Variants in SPATS2L observed in about 807,000 individuals in gnomAD.
SPATS2L encodes the protein SPATS2-like protein.
SPATS2L carries 30 observed loss-of-function variants against 59.6 expected under a neutral mutation model. The ratio of observed to expected loss-of-function variants is 0.50; its 90% CI spans 0.38 to 0.68. The LOEUF is 0.68. Ranked by LOEUF, SPATS2L falls within the 30% of genes least tolerant of loss-of-function variation. The pLI is 0.00. For synonymous variants in SPATS2L, 252 were observed against 263.5 expected (o/e 0.96, Z 0.42); for missense variants, 615 against 700.0 (o/e 0.88, Z 1.37).
At chr2:200,429,873 G>A (rs571515748) in intron 6 of SPATS2L, among the ~76,000 whole-genome samples, 5 of 152,156 alleles carry the variant, frequency 3.3e-5, no homozygotes, top group Non-Finnish European at 5.9e-5. Context: ...GGCACACAAT[G>A]CTTTCTCCCC....
intron 1 of SPATS2L, among the ~76,000 whole-genome samples, chr2:200,318,691 G>A (rs774048654): frequency 1.3e-5 from 2 of 152,106 alleles, no homozygotes; most frequent in Non-Finnish European, 2.9e-5. Context: ...GGCATATTTA[G>A]ATATTACTTA....
intron 10 of SPATS2L, among the ~76,000 whole-genome samples, chr2:200,468,347 TACACACACACAC>T (rs141831238): frequency 1.8e-5 from 2 of 110,076 alleles, no homozygotes; most frequent in African/African-American, 6.4e-5. Flanking sequence ...CCCAGTATAC[TACACACACACAC>T]ACACACACAC....
chr2:200,369,170 A>G (rs1204614264), intron 2 of SPATS2L, among the ~76,000 whole-genome samples: 1 of 151,158 alleles, frequency 6.6e-6, no homozygotes, highest in Non-Finnish European at 1.5e-5. Flanking sequence ...TTATTTATTT[A>G]TTTTTTGAGA....
chr2:200,321,667 T>C (rs984837123), intron 1 of SPATS2L, among the ~76,000 whole-genome samples: 2 of 152,246 alleles, frequency 1.3e-5, no homozygotes, highest in Admixed American at 6.5e-5. Flanking sequence ...ACAGCTGATA[T>C]CGTTTACATT....
intron 6 of SPATS2L, among the ~76,000 whole-genome samples, chr2:200,425,578 A>T (rs1329368761): frequency 6.6e-6 from 1 of 152,194 alleles, no homozygotes; most frequent in Non-Finnish European, 1.5e-5. Context: ...CGTCCACTTT[A>T]CAATATTGTG....
intron 2 of SPATS2L, among the ~76,000 whole-genome samples, chr2:200,333,504 T>G (rs143779722): frequency 1.6e-4 from 24 of 152,046 alleles, no homozygotes; most frequent in African/African-American, 5.5e-4. Context: ...TTTTATTTTA[T>G]TTTATTTTTT....
intron 6 of SPATS2L, among the ~76,000 whole-genome samples, chr2:200,435,367 A>T (rs1401940225): frequency 2.0e-5 from 3 of 152,192 alleles, no homozygotes; most frequent in Non-Finnish European, 4.4e-5. Flanking sequence ...ACAAGGATTA[A>T]ATTAAAATGT....
intron 1 of SPATS2L, among the ~76,000 whole-genome samples, chr2:200,309,628 C>T (rs2079133302): frequency 6.6e-6 from 1 of 152,218 alleles, no homozygotes; most frequent in Non-Finnish European, 1.5e-5. Context: ...TTATTGATCT[C>T]TGAATGTTGT....
intron 8 of SPATS2L, among the ~76,000 whole-genome samples, chr2:200,444,986 T>C (rs1404382393): frequency 6.6e-6 from 1 of 152,154 alleles, no homozygotes; most frequent in Non-Finnish European, 1.5e-5. Flanking sequence ...ATTTGCATAC[T>C]AACAAATGCT....
At chr2:200,381,385 C>T (rs2081805602) in intron 2 of SPATS2L, among the ~76,000 whole-genome samples, 1 of 152,156 alleles carries the variant, frequency 6.6e-6, no homozygotes, top group Non-Finnish European at 1.5e-5. Flanking sequence ...GAGTTCATTT[C>T]CTCCAACCTG....
intron 5 of SPATS2L, among the ~76,000 whole-genome samples, chr2:200,417,753 A>G (rs976088351): frequency 3.3e-5 from 5 of 152,220 alleles, no homozygotes; most frequent in Non-Finnish European, 7.3e-5. Context: ...TCCAAAGGAA[A>G]AAAGCAGGGA....
intron 6 of SPATS2L, among the ~76,000 whole-genome samples, chr2:200,426,423 A>G (rs2083586785): frequency 6.6e-6 from 1 of 152,220 alleles, no homozygotes; most frequent in Admixed American, 6.5e-5. Context: ...TCATATGAGC[A>G]TGCATTTTTG....
intron 8 of SPATS2L, among the ~76,000 whole-genome samples, chr2:200,450,580 A>C (rs2106150048): frequency 6.6e-6 from 1 of 152,276 alleles, no homozygotes; most frequent in African/African-American, 2.4e-5. Flanking sequence ...AATGTGTGTC[A>C]AGCCACTACT....
At chr2:200,306,054 C>T, upstream of SPATS2L, 4 of 985,398 alleles carry the variant, frequency 4.1e-6, no homozygotes, top group Non-Finnish European at 4.8e-6. Flanking sequence ...GTTTGGAGCC[C>T]AGTGTGCAGA....
At chr2:200,463,469 A>G (rs927813280) in intron 9 of SPATS2L, 1 of 152,210 alleles carries the variant, frequency 6.6e-6, no homozygotes. Flanking sequence ...ATTGCACAAA[A>G]GAGGAAGTAT....
intron 2 of SPATS2L, among the ~76,000 whole-genome samples, chr2:200,379,570 A>G (rs2081728012): frequency 6.6e-6 from 1 of 152,282 alleles, no homozygotes; most frequent in East Asian, 1.9e-4. Flanking sequence ...AAGGGAACAC[A>G]TATTTCTTTT....
chr2:200,409,052 C>A (rs1269893800), intron 3 of SPATS2L, among the ~76,000 whole-genome samples: 1 of 152,248 alleles, frequency 6.6e-6, no homozygotes, highest in Non-Finnish European at 1.5e-5. Context: ...CATGAGAGTC[C>A]TTTAGCGGGG....
At chr2:200,434,405 G>A (rs2084140912) in intron 6 of SPATS2L, among the ~76,000 whole-genome samples, 1 of 151,872 alleles carries the variant, frequency 6.6e-6, no homozygotes, top group South Asian at 2.1e-4. Context: ...GACAAGGAAC[G>A]ATTGGAAAAG....
At chr2:200,353,366 A>G (rs536693418) in intron 2 of SPATS2L, among the ~76,000 whole-genome samples, 2 of 152,328 alleles carry the variant, frequency 1.3e-5, no homozygotes, top group Non-Finnish European at 2.9e-5. Flanking sequence ...TGAAACTTAA[A>G]GGCAGTATCA....
Sources: allele counts gnomAD v4.1 joint callset (sites outside exome capture counted in the v4.1 genomes callset), GRCh38; gene constraint gnomAD v4.1.1; transcripts MANE v1.5; gene names NCBI Gene and HGNC (gene_info 2026-07-23, HGNC 2026-07-21).